The following XRRA1 variants were observed in gnomAD, a reference collection of about 807,000 sequenced individuals.
The protein encoded by XRRA1 is X-ray radiation resistance-associated protein 1.
XRRA1 carries 69 observed loss-of-function variants against 80.2 expected under a neutral mutation model. That is an observed-to-expected ratio of 0.86 (90% confidence interval 0.71 to 1.05). The LOEUF is 1.05. Among genes scored for constraint, XRRA1 ranks in the 50% least tolerant of loss-of-function variants. XRRA1 has a pLI of 0.00. For synonymous variants in XRRA1, 348 were observed against 389.9 expected (o/e 0.89, Z 1.27); for missense variants, 967 against 976.4 (o/e 0.99, Z 0.13).
At chr11:74,902,219 C>T (rs557158132) in intron 10 of XRRA1, among the ~76,000 whole-genome samples, 2 of 152,310 alleles carry the variant, frequency 1.3e-5, no homozygotes, top group East Asian at 3.9e-4. Flanking sequence ...AATGAGATAT[C>T]ATCTCACCCT....
chr11:74,887,570 T>C (rs573116353), intron 10 of XRRA1, among the ~76,000 whole-genome samples: 2 of 152,052 alleles, frequency 1.3e-5, no homozygotes, highest in African/African-American at 4.8e-5. Context: ...TGTCGGAAAG[T>C]GGGTGCAGGA....
chr11:74,905,942 A>C (rs1056076605), intron 10 of XRRA1, among the ~76,000 whole-genome samples: 1 of 152,236 alleles, frequency 6.6e-6, no homozygotes, highest in African/African-American at 2.4e-5. Flanking sequence ...TTCTTCCAAA[A>C]TTTAAGGATA....
intron 17 of XRRA1, 51 bp downstream of exon 17, chr11:74,844,117 T>G (rs1032289684): frequency 1.3e-6 from 2 of 1,556,806 alleles, no homozygotes; most frequent in Non-Finnish European, 1.8e-6. Context: ...CATCTGTAAT[T>G]GTGGGCGGTA....
intron 10 of XRRA1, among the ~76,000 whole-genome samples, chr11:74,877,581 T>C (rs1170642698): frequency 6.6e-6 from 1 of 151,128 alleles, no homozygotes; most frequent in East Asian, 2.0e-4. Context: ...CATCTAGCAT[T>C]AGGTATATCT....
intron 10 of XRRA1, among the ~76,000 whole-genome samples, chr11:74,903,922 A>G (rs2054054355): frequency 6.6e-6 from 1 of 152,192 alleles, no homozygotes; most frequent in Admixed American, 6.5e-5. Context: ...AGACATTTAT[A>G]TGAAAACAGG....
intron 10 of XRRA1, among the ~76,000 whole-genome samples, chr11:74,877,419 T>G (rs764613423): frequency 1.3e-5 from 2 of 152,230 alleles, no homozygotes; most frequent in Admixed American, 6.5e-5. Context: ...CTGTCATGGT[T>G]ATAGCCTATA....
Position 74,937,024 on chromosome 11 carries a change from T to G in XRRA1, c.139A>C (p.Lys47Gln). The change falls in exon 4 of 19, where the codon AAG (lysine) becomes CAG (glutamine). Residue 47 changes from lysine to glutamine, a missense_variant. Lys to Gln is a moderately conservative substitution (Grantham distance 53). Coordinates refer to ENST00000684022, the MANE Select transcript of XRRA1 (RefSeq NM_001378157.1). The stretch of plus-strand genomic sequence containing the variant: ...TGTGCTCCAACCAAACCCTTGGGCT[T>G]CTTCTTGAGGTTACCTTTCTGAACC... ...LVVQKGNLKK[K>Q]PKGLVGAQAE... The G allele has an allele frequency of 6.2e-7, 1 of 1,613,946 alleles. No homozygotes were observed. Among genetic ancestry groups the G allele is most frequent in the Non-Finnish European group, 8.5e-7 (1 of 1,179,876 alleles).
chr11:74,899,773 G>A (rs765965571), intron 10 of XRRA1, among the ~76,000 whole-genome samples: 20 of 152,204 alleles, frequency 1.3e-4, no homozygotes, highest in Middle Eastern at 6.8e-3. Flanking sequence ...AAGTCTCCCA[G>A]TAAAGAAAAG....
At chr11:74,850,420 C>T (rs753913740) in intron 14 of XRRA1, among the ~76,000 whole-genome samples, 2 of 152,136 alleles carry the variant, frequency 1.3e-5, no homozygotes, top group African/African-American at 2.4e-5. Context: ...CCTCTGAGGA[C>T]GTCAGACAAG....
intron 10 of XRRA1, among the ~76,000 whole-genome samples, chr11:74,886,872 T>C (rs1384855945): frequency 4.6e-5 from 7 of 152,164 alleles, no homozygotes; most frequent in Non-Finnish European, 8.8e-5. Flanking sequence ...AACAGATACA[T>C]AGGCCAATGG....
intron 10 of XRRA1, among the ~76,000 whole-genome samples, chr11:74,885,100 CA>C (rs1257419088): frequency 6.6e-6 from 1 of 151,806 alleles, no homozygotes; most frequent in African/African-American, 2.4e-5. Context: ...CTTGTCTCTA[CA>C]AAATATCAAA....
intron 14 of XRRA1, chr11:74,850,741 A>G (rs2039591869): frequency 6.2e-6 from 1 of 160,432 alleles, no homozygotes; most frequent in Admixed American, 6.1e-5. Context: ...ACAAGGTCTC[A>G]CCCAGGCTGG....
chr11:74,896,194 C>T (rs1316986646), intron 10 of XRRA1, among the ~76,000 whole-genome samples: 1 of 152,198 alleles, frequency 6.6e-6, no homozygotes, highest in East Asian at 1.9e-4. Context: ...GGCTCGGCCA[C>T]AGTAAGGTAA....
At position 74,947,040 on chromosome 11, in the gene XRRA1, T is replaced by G. The variant is rs367960779; in HGVS notation, c.-73+1888A>C. On this transcript the variant is annotated intron_variant, in intron 1 of 18. Transcript: ENST00000684022. ...TGCTGGGATTACAGGCGTGAGCCTG[T>G]ACTTATCTCTTTATCCTGCATCTCA... Among the ~76,000 whole-genome samples the G allele has an allele frequency of 1.4e-3, 213 of 151,900 alleles. 4 individuals carry two copies. The South Asian group carries it at 0.044, about 31-fold the overall frequency.
intron 10 of XRRA1, among the ~76,000 whole-genome samples, chr11:74,866,746 T>A (rs1374779260): frequency 2.0e-5 from 3 of 149,972 alleles, no homozygotes; most frequent in African/African-American, 7.4e-5. Context: ...GCAGAATTAA[T>A]CAAACAGAGG....
chr11:74,864,353 G>C (rs779473039), intron 10 of XRRA1, among the ~76,000 whole-genome samples: 2 of 152,180 alleles, frequency 1.3e-5, no homozygotes, highest in Non-Finnish European at 2.9e-5. Flanking sequence ...AAAAGGCAGA[G>C]AGAAGATGGT....
Position 74,843,099 on chromosome 11 carries a change from T to C in XRRA1, c.*101A>G, listed in dbSNP as rs1032910560. 3.5e-6 allele frequency: 5 copies of C among 1,428,110 alleles called. No individual in the cohort carries two copies. Among genetic ancestry groups the C allele is most frequent in the Non-Finnish European group, 4.6e-6 (5 of 1,081,482 alleles). 88.5% of individuals were successfully genotyped at this position (1,428,110 alleles called of 1,614,324 possible). On this transcript the variant is annotated 3_prime_UTR_variant, in exon 19 of 19. Transcript: ENST00000684022. ...TGGGGCCCAGCTGAGCTCTGAGGCC[T>C]GTGGCCGGCTGGTCAACCTTGAGGT... is the stretch of plus-strand genomic sequence containing the variant.
chr11:74,908,642 TA>T (rs1430346558), intron 8 of XRRA1, among the ~76,000 whole-genome samples: 2 of 152,132 alleles, frequency 1.3e-5, no homozygotes, highest in African/African-American at 4.8e-5. Context: ...AGACTACAAA[TA>T]AAAGAACACA....
chr11:74,903,995 G>C (rs1367803793), intron 10 of XRRA1, among the ~76,000 whole-genome samples: 2 of 152,084 alleles, frequency 1.3e-5, no homozygotes, highest in African/African-American at 4.8e-5. Flanking sequence ...ACTTTGAAGA[G>C]ATTAAAAATT....
Sources: allele counts gnomAD v4.1 joint callset (sites outside exome capture counted in the v4.1 genomes callset), GRCh38; gene constraint gnomAD v4.1.1; transcripts MANE v1.5; gene names NCBI Gene and HGNC (gene_info 2026-07-23, HGNC 2026-07-21).